SPOP: variants seen among roughly 807,000 people sequenced by gnomAD.
SPOP encodes the protein speckle type BTB/POZ protein, also known as speckle-type POZ protein.
SPOP carries 11 observed loss-of-function variants against 45.6 expected under a neutral mutation model. The ratio of observed to expected loss-of-function variants is 0.24; its 90% CI spans 0.15 to 0.40. The LOEUF (loss-of-function observed/expected upper bound fraction) is 0.40. Ranked by LOEUF, SPOP falls within the 10% of genes least tolerant of loss-of-function variation. The pLI, the probability that SPOP is intolerant of heterozygous loss-of-function variation, is 1.00. For synonymous variants in SPOP, 166 were observed against 166.3 expected (o/e 1.00, Z 0.01); for missense variants, 152 against 465.6 (o/e 0.33, Z 6.20).
chr17:49,607,524 T>A, intron 7 of SPOP, 152 bp from the exon 8 acceptor site: 1 of 1,022,296 alleles, frequency 9.8e-7, no homozygotes, highest in Non-Finnish European at 1.4e-6. Flanking sequence ...GGCTTGATTA[T>A]AATAGCCTTT....
intron 3 of SPOP, among the ~76,000 whole-genome samples, chr17:49,620,454 T>A (rs1448406942): frequency 2.9e-5 from 4 of 137,872 alleles, no homozygotes; most frequent in African/African-American, 1.1e-4. Flanking sequence ...GGCGATAGAG[T>A]GAGACTCTGT....
chr17:49,674,240 C>T (rs998439968), intron 1 of SPOP, among the ~76,000 whole-genome samples: 2 of 152,164 alleles, frequency 1.3e-5, no homozygotes, highest in African/African-American at 4.8e-5. Context: ...AGAAGTATTC[C>T]CTTCTCTTCA....
chr17:49,660,835 G>A (rs1296650257), intron 1 of SPOP, among the ~76,000 whole-genome samples: 1 of 152,110 alleles, frequency 6.6e-6, no homozygotes, highest in African/African-American at 2.4e-5. Context: ...GTGTGGTGGT[G>A]GGTGCCTGTA....
At chr17:49,635,154 T>C (rs1303568337) in intron 1 of SPOP, among the ~76,000 whole-genome samples, 1 of 152,230 alleles carries the variant, frequency 6.6e-6, no homozygotes, top group Non-Finnish European at 1.5e-5. Context: ...TTCCCTCTTC[T>C]AACATTATTA....
At position 49,658,541 on chromosome 17, in the gene SPOP, G is replaced by A. The variant is rs554419771; in HGVS notation, c.-67+19392C>T. Among the ~76,000 whole-genome samples, 260 of 152,272 alleles carry A rather than the reference G, an allele frequency of 1.7e-3. 1 individual carries two copies. Among genetic ancestry groups the A allele is most frequent in the Non-Finnish European group, 2.8e-3 (188 of 68,010 alleles). Reference sequence around the variant, plus strand: ...AAAGTGGACTGCAAGGAACTTCCCTGCTGTTTTCATGTTGTTTCTTCAAGC... The same window carrying A: ...AAAGTGGACTGCAAGGAACTTCCCTACTGTTTTCATGTTGTTTCTTCAAGC... On this transcript the variant is annotated intron_variant, in intron 1 of 9. Transcript: ENST00000504102.
In SPOP at chr17:49,667,405, C is replaced by G. The variant is rs556346751; in HGVS notation, c.-67+10528G>C. 2.0e-5 allele frequency among the ~76,000 whole-genome samples: 3 copies of G among 151,136 alleles called. No individual in the cohort carries two copies. The East Asian group carries it at 5.9e-4, about 30-fold the overall frequency. On this transcript the variant is annotated intron_variant, in intron 1 of 9. Transcript: ENST00000504102. ...AGGAGTTCGAGACCAGCCCGGTCAA[C>G]ATGGCGAAACCTCGTCTCTACTAAA...
chr17:49,660,856 C>T (rs1403338986), intron 1 of SPOP, among the ~76,000 whole-genome samples: 1 of 152,130 alleles, frequency 6.6e-6, no homozygotes, highest in East Asian at 1.9e-4. Flanking sequence ...GTCCCAGCTA[C>T]TCGGGAGGCT....
chr17:49,601,854 T>C lies in SPOP; in HGVS notation c.980+11A>G. ...TATTTTGAAAGAAGAACTTTGAAGATGCCAACTCACTAGTTGATGAAATCC... is the reference window on the plus strand; with the variant it reads ...TATTTTGAAAGAAGAACTTTGAAGACGCCAACTCACTAGTTGATGAAATCC... On this transcript the variant is annotated intron_variant, in intron 9 of 9. Coordinates refer to ENST00000504102, the MANE Select transcript of SPOP (RefSeq NM_001007228.2). The C allele has an allele frequency of 1.2e-6, 2 of 1,613,490 alleles. No individual in the cohort carries two copies. Among genetic ancestry groups the C allele is most frequent in the Non-Finnish European group, 1.7e-6 (2 of 1,179,494 alleles).
At chr17:49,639,744 T>A (rs2072611059) in intron 1 of SPOP, among the ~76,000 whole-genome samples, 1 of 151,974 alleles carries the variant, frequency 6.6e-6, no homozygotes, top group Admixed American at 6.6e-5. Context: ...TAAAGAAAAA[T>A]AAGGATATGA....
intron 1 of SPOP, chr17:49,646,364 G>C (rs2072758194): frequency 6.6e-6 from 1 of 152,206 alleles, no homozygotes; most frequent in African/African-American, 2.4e-5. Flanking sequence ...AGGAGTTCCA[G>C]ACCAGCCTGG....
intron 5 of SPOP, among the ~76,000 whole-genome samples, chr17:49,616,715 G>T (rs531228154): frequency 6.6e-6 from 1 of 152,272 alleles, no homozygotes; most frequent in South Asian, 2.1e-4. Flanking sequence ...AGTCTCACTA[G>T]GCATAAGCCC....
intron 1 of SPOP, among the ~76,000 whole-genome samples, chr17:49,635,155 A>G (rs571421417): frequency 3.9e-5 from 6 of 152,348 alleles, no homozygotes; most frequent in African/African-American, 1.4e-4. Context: ...TCCCTCTTCT[A>G]ACATTATTAA....
intron 5 of SPOP, among the ~76,000 whole-genome samples, chr17:49,615,848 A>T (rs1342516945): frequency 6.6e-6 from 1 of 152,180 alleles, no homozygotes; most frequent in Non-Finnish European, 1.5e-5. Flanking sequence ...TTGCTGCACA[A>T]TGTTAGGAAA....
At chr17:49,667,293 T>TA (rs34967563) in intron 1 of SPOP, among the ~76,000 whole-genome samples, 34,151 of 132,578 alleles carry the variant, frequency 0.26, 4,393 homozygotes, top group Non-Finnish European at 0.31. Flanking sequence ...TCCAGAGCCT[T>TA]AAAAAAAAAA....
chr17:49,643,374 A>G (rs1209516285), intron 1 of SPOP, among the ~76,000 whole-genome samples: 1 of 152,238 alleles, frequency 6.6e-6, no homozygotes, highest in African/African-American at 2.4e-5. Context: ...ACAGTGGATT[A>G]AAGACTCCAG....
intron 8 of SPOP, among the ~76,000 whole-genome samples, chr17:49,603,679 T>C (rs931376506): frequency 1.3e-5 from 2 of 152,256 alleles, no homozygotes; most frequent in Non-Finnish European, 2.9e-5. Context: ...TTATTCTGTT[T>C]TCCTAAAACT....
At chr17:49,629,649 A>G (rs1278941686) in intron 1 of SPOP, among the ~76,000 whole-genome samples, 1 of 152,204 alleles carries the variant, frequency 6.6e-6, no homozygotes, top group Non-Finnish European at 1.5e-5. Context: ...CCAATAGTTT[A>G]TTTTGCAGTA....
Position 49,678,041 on chromosome 17 carries a change from C to T in SPOP, c.-175G>A, listed in dbSNP as rs1418311826. 1.3e-5 allele frequency: 5 copies of T among 399,414 alleles called. No homozygotes were observed. Among genetic ancestry groups the T allele is most frequent in the South Asian group, 1.3e-4 (1 of 7,884 alleles). 24.7% of individuals were successfully genotyped at this position (399,414 alleles called of 1,614,324 possible). On this transcript the variant is annotated 5_prime_UTR_variant, in exon 1 of 10. Transcript: ENST00000504102. ...GCCGATACACAAATACACACACACT[C>T]GGAGCGCGCACACTCACACACACAC...
chr17:49,653,095 C>A (rs534944675), intron 1 of SPOP, among the ~76,000 whole-genome samples: 2 of 152,242 alleles, frequency 1.3e-5, no homozygotes, highest in Admixed American at 1.3e-4. Flanking sequence ...TGAATTTCCT[C>A]ATTTTTTTTC....
Sources: gnomAD v4.1 joint callset for allele counts (sites outside exome capture counted in the v4.1 genomes callset) on GRCh38, gnomAD v4.1.1 for gene constraint, MANE v1.5 for transcripts, NCBI Gene and HGNC (gene_info 2026-07-23, HGNC 2026-07-21) for gene names.